The following WARS2 variants were observed in gnomAD, a reference collection of about 807,000 sequenced individuals.
The protein encoded by WARS2 is tryptophanyl tRNA synthetase 2, mitochondrial, also known as tryptophan--tRNA ligase, mitochondrial.
In WARS2, 28 loss-of-function variants were observed where a neutral mutation model predicts 36.5. That is an observed-to-expected ratio of 0.77 (90% confidence interval 0.57 to 1.05). WARS2 has a LOEUF of 1.05. WARS2 is among the 50% of genes least tolerant of loss of function. The pLI is 0.00. For missense variants in WARS2, 435 were observed against 456.8 expected (o/e 0.95, Z 0.44); for synonymous variants, 174 against 178.4 (o/e 0.98, Z 0.20).
intron 1 of WARS2, among the ~76,000 whole-genome samples, chr1:119,129,186 G>A (rs1052172027): frequency 3.4e-4 from 52 of 152,150 alleles, no homozygotes; most frequent in African/African-American, 1.1e-3. Flanking sequence ...ATTAGGAGGT[G>A]CGGCTTTTGG....
intron 1 of WARS2, chr1:119,082,372 A>G: frequency 4.1e-6 from 4 of 985,400 alleles, no homozygotes; most frequent in Non-Finnish European, 4.8e-6. Flanking sequence ...ATGCTTTTGC[A>G]CATGTATTTT....
chr1:119,079,492 C>A (rs957023146), intron 1 of WARS2, among the ~76,000 whole-genome samples: 15 of 152,084 alleles, frequency 9.9e-5, no homozygotes, highest in Non-Finnish European at 4.4e-5. Context: ...TGACTGAGAT[C>A]ACACTGCATC....
intron 1 of WARS2, among the ~76,000 whole-genome samples, chr1:119,127,603 C>T (rs587647645): frequency 7.9e-5 from 12 of 152,288 alleles, no homozygotes; most frequent in African/African-American, 2.9e-4. Context: ...AACCCACTAA[C>T]CTATACCATC....
At chr1:119,124,944 G>C (rs1200396464) in intron 1 of WARS2, among the ~76,000 whole-genome samples, 2 of 152,124 alleles carry the variant, frequency 1.3e-5, no homozygotes, top group Non-Finnish European at 2.9e-5. Context: ...ACCGTTGTTA[G>C]CTGTGTGCAT....
At chr1:119,099,761 T>C (rs587718555) in intron 1 of WARS2, among the ~76,000 whole-genome samples, 2 of 152,292 alleles carry the variant, frequency 1.3e-5, no homozygotes, top group African/African-American at 4.8e-5. Flanking sequence ...TATTGAAGAA[T>C]GAAACTGAAC....
chr1:119,133,735 G>A (rs1446200027), intron 1 of WARS2, among the ~76,000 whole-genome samples: 1 of 151,988 alleles, frequency 6.6e-6, no homozygotes, highest in Non-Finnish European at 1.5e-5. Context: ...GCCCAAAAAT[G>A]AATTAAACAT....
intron 2 of WARS2, among the ~76,000 whole-genome samples, chr1:119,065,709 A>G (rs750757648): frequency 3.4e-4 from 51 of 152,108 alleles, no homozygotes; most frequent in Non-Finnish European, 2.2e-4. Flanking sequence ...ATATCCTCTA[A>G]ATGATTAATA....
At chr1:119,106,752 A>C (rs1207856995) in intron 1 of WARS2, among the ~76,000 whole-genome samples, 2 of 152,206 alleles carry the variant, frequency 1.3e-5, no homozygotes. Context: ...TAGCAATTAT[A>C]AATAAAGCTG....
At chr1:119,100,083 G>C (rs1653750258) in intron 1 of WARS2, among the ~76,000 whole-genome samples, 1 of 152,064 alleles carries the variant, frequency 6.6e-6, no homozygotes, top group East Asian at 1.9e-4. Flanking sequence ...AATATACAAG[G>C]AACTCAGCTC....
chr1:119,033,425 T>TAC, intron 5 of WARS2, 66 bp from the exon 6 acceptor site: 1 of 1,585,926 alleles, frequency 6.3e-7, no homozygotes, highest in Non-Finnish European at 8.6e-7. Context: ...CACCAAGATG[T>TAC]ACACACAGAC....
chr1:119,072,504 A>C (rs1651402298), intron 2 of WARS2, among the ~76,000 whole-genome samples: 1 of 152,226 alleles, frequency 6.6e-6, no homozygotes, highest in Non-Finnish European at 1.5e-5. Flanking sequence ...AAAAAAGTAG[A>C]AGCATAAAAA....
intron 1 of WARS2, among the ~76,000 whole-genome samples, chr1:119,079,998 T>G (rs587721763): frequency 2.0e-5 from 3 of 152,272 alleles, no homozygotes; most frequent in African/African-American, 7.2e-5. Context: ...TAGCATAGAA[T>G]GAGTACCTAT....
In WARS2 at chr1:119,071,545, T is replaced by C. The variant is rs115453901; in HGVS notation, c.348+4805A>G. On this transcript the variant is annotated intron_variant, in intron 2 of 5. Coordinates refer to ENST00000235521, the MANE Select transcript of WARS2 (RefSeq NM_015836.4). Reference sequence around the variant, plus strand: ...GGAAATCCTGTCAGTTATGACAACATGGATGAACCCAGAGGACATTTTGTT... The same window carrying C: ...GGAAATCCTGTCAGTTATGACAACACGGATGAACCCAGAGGACATTTTGTT... 7.7e-3 allele frequency among the ~76,000 whole-genome samples: 1,177 copies of C among 152,274 alleles called. 15 individuals carry two copies. The highest frequency in any genetic ancestry group is 0.027 in the African/African-American group (1,122 of 41,546).
intron 3 of WARS2, among the ~76,000 whole-genome samples, chr1:119,043,964 C>T (rs559101325): frequency 3.3e-5 from 5 of 152,314 alleles, no homozygotes; most frequent in South Asian, 2.1e-4. Context: ...ATGCCTTTAT[C>T]AGATCCTCCT....
intron 1 of WARS2, among the ~76,000 whole-genome samples, chr1:119,086,525 CAG>C (rs1351354197): frequency 6.6e-6 from 1 of 152,132 alleles, no homozygotes; most frequent in Non-Finnish European, 1.5e-5. Flanking sequence ...TGGATAATAG[CAG>C]AGTCAGTGGG....
chr1:119,107,316 G>A (rs1654306017), intron 1 of WARS2, among the ~76,000 whole-genome samples: 1 of 152,112 alleles, frequency 6.6e-6, no homozygotes, highest in South Asian at 2.1e-4. Flanking sequence ...GTAATGAAGT[G>A]CAGCTTAGCA....
At chr1:119,136,526 A>G (rs1415058648) in intron 1 of WARS2, among the ~76,000 whole-genome samples, 1 of 152,198 alleles carries the variant, frequency 6.6e-6, no homozygotes, top group Non-Finnish European at 1.5e-5. Flanking sequence ...TTTTTTTGCC[A>G]TGAGAGATGA....
intron 1 of WARS2, among the ~76,000 whole-genome samples, chr1:119,118,668 G>A (rs587654098): frequency 6.6e-6 from 1 of 152,290 alleles, no homozygotes; most frequent in African/African-American, 2.4e-5. Flanking sequence ...AACATCTTAA[G>A]AGCTGTGAAG....
upstream of WARS2, chr1:119,140,670 T>A: frequency 6.2e-7 from 1 of 1,604,226 alleles, no homozygotes. Flanking sequence ...GCCGTCTTGT[T>A]TGGAATGACG....
Sources: gnomAD v4.1 joint callset for allele counts (sites outside exome capture counted in the v4.1 genomes callset) on GRCh38, gnomAD v4.1.1 for gene constraint, MANE v1.5 for transcripts, NCBI Gene and HGNC (gene_info 2026-07-23, HGNC 2026-07-21) for gene names.